Variants in MARCHF6 observed in about 807,000 individuals in gnomAD.
MARCHF6 encodes the protein membrane associated ring-CH-type finger 6.
In MARCHF6, 31 loss-of-function variants were observed where a neutral mutation model predicts 133.7. That is an observed-to-expected ratio of 0.23 (90% CI 0.17 to 0.31). The LOEUF (loss-of-function observed/expected upper bound fraction) is 0.31. Among genes scored for constraint, MARCHF6 ranks in the 10% least tolerant of loss-of-function variants. The pLI, the probability that MARCHF6 is intolerant of heterozygous loss-of-function variation, is 1.00. For missense variants in MARCHF6, 723 were observed against 1,121.6 expected, an observed-to-expected ratio of 0.64 and a Z score of 5.08; for synonymous variants, 395 against 402.5, an observed-to-expected ratio of 0.98 and a Z score of 0.22.
chr5:10,391,451 T>G (rs1229649158), intron 6 of MARCHF6, 91 bp from the exon 7 acceptor site: 74 of 542,500 alleles, frequency 1.4e-4, no homozygotes, highest in African/African-American at 1.1e-3. Flanking sequence ...TTTTTTTTTT[T>G]TTTTTTTTTT....
At chr5:10,390,924 G>A (rs1561121476) in intron 6 of MARCHF6, among the ~76,000 whole-genome samples, 2 of 152,176 alleles carry the variant, frequency 1.3e-5, no homozygotes, top group African/African-American at 4.8e-5. Context: ...TTTTAAGAGA[G>A]CCAGATTTGT....
chr5:10,367,762 C>CTT (rs113081329), intron 1 of MARCHF6, among the ~76,000 whole-genome samples: 6 of 151,468 alleles, frequency 4.0e-5, no homozygotes, highest in African/African-American at 1.5e-4. Flanking sequence ...GGACTTGAAG[C>CTT]TTTTTTTTAA....
intron 22 of MARCHF6, among the ~76,000 whole-genome samples, chr5:10,422,436 G>C (rs1579616063): frequency 6.6e-6 from 1 of 152,010 alleles, no homozygotes; most frequent in East Asian, 1.9e-4. Flanking sequence ...CACGTAATTG[G>C]GTATATCTTA....
At chr5:10,392,947 A>G (rs1156588928) in intron 7 of MARCHF6, among the ~76,000 whole-genome samples, 4 of 152,194 alleles carry the variant, frequency 2.6e-5, no homozygotes, top group African/African-American at 9.7e-5. Context: ...TGACCAAAAC[A>G]TTAGGCTGCT....
chr5:10,398,880 CT>C (rs1346108281), intron 10 of MARCHF6, among the ~76,000 whole-genome samples: 1 of 152,104 alleles, frequency 6.6e-6, no homozygotes, highest in Non-Finnish European at 1.5e-5. Flanking sequence ...CATACTTTTT[CT>C]TTTAATCATT....
chr5:10,353,942 G>T (rs1369199022), intron 1 of MARCHF6, 25 bp downstream of exon 1: 2 of 1,542,146 alleles, frequency 1.3e-6, no homozygotes, highest in Non-Finnish European at 1.7e-6. Flanking sequence ...CGCGGCGCCC[G>T]AGCCCTTGCG....
At chr5:10,428,533 G>T (rs909129892) in intron 24 of MARCHF6, among the ~76,000 whole-genome samples, 1 of 151,644 alleles carries the variant, frequency 6.6e-6, no homozygotes, top group Non-Finnish European at 1.5e-5. Flanking sequence ...TTAGAGACAG[G>T]GTTTCACCAT....
chr5:10,411,304 G>C (rs753159754), intron 18 of MARCHF6, 29 bp from the exon 19 acceptor site: 4 of 1,576,548 alleles, frequency 2.5e-6, no homozygotes, highest in Non-Finnish European at 3.5e-6. Context: ...CCTGAAGTGA[G>C]ACTTGTTACT....
At chr5:10,387,177 A>AATTT in intron 5 of MARCHF6, 111 bp downstream of exon 5, 1 of 726,994 alleles carries the variant, frequency 1.4e-6, no homozygotes, top group African/African-American at 1.8e-5. Flanking sequence ...TGAGAACAAT[A>AATTT]ATTTATGTCT....
chr5:10,375,270 C>T lies in MARCHF6; in HGVS notation c.20-2528C>T, dbSNP rs188727382. Among the ~76,000 whole-genome samples the T allele has an allele frequency of 3.5e-4, 53 of 152,334 alleles. No individual in the cohort carries two copies. The East Asian group carries it at 9.7e-3, about 28-fold the overall frequency. On this transcript the variant is annotated intron_variant, in intron 1 of 25. Coordinates refer to ENST00000274140, the MANE Select transcript of MARCHF6 (RefSeq NM_005885.4). ...ACTCGGAGCAGCCGGCCGGCCCTGC[C>T]GGCCCAGGCAGTGAGAGACTTGGCA...
rs540900965 is a variant in MARCHF6 at position 10,416,409 on chromosome 5, A to G, written c.2148+740A>G. On this transcript the variant is annotated intron_variant, in intron 21 of 25. Transcript: ENST00000274140. ...AGAAAAATATAAAATCCATTTTTAT[A>G]GTGAGAGATTCATTATATATTATGG... 4.6e-5 allele frequency among the ~76,000 whole-genome samples: 7 copies of G among 152,356 alleles called. No individual in the cohort carries two copies. In the South Asian group the frequency reaches 1.4e-3, roughly 32 times the overall value.
chr5:10,363,801 T>C (rs1735965555), intron 1 of MARCHF6, among the ~76,000 whole-genome samples: 2 of 152,228 alleles, frequency 1.3e-5, no homozygotes. Context: ...TGATGCATGG[T>C]ACAACTTGGA....
chr5:10,414,143 A>T (rs1579604541), intron 19 of MARCHF6, among the ~76,000 whole-genome samples: 2 of 137,596 alleles, frequency 1.5e-5, no homozygotes, highest in Admixed American at 1.5e-4. Flanking sequence ...TAATGTTTTA[A>T]TAACAAGGGA....
intron 23 of MARCHF6, among the ~76,000 whole-genome samples, chr5:10,425,956 C>T (rs140897982): frequency 2.6e-4 from 39 of 152,276 alleles, no homozygotes; most frequent in Non-Finnish European, 5.0e-4. Context: ...TTTTCAGAAA[C>T]GCTTCCTGCT....
At chr5:10,380,609 TCTGTGGGC>T (rs1461346138) in intron 3 of MARCHF6, among the ~76,000 whole-genome samples, 1 of 152,332 alleles carries the variant, frequency 6.6e-6, no homozygotes, top group Admixed American at 6.5e-5. Flanking sequence ...AAGTCAATGA[TCTGTGGGC>T]ATGTGCCATT....
intron 7 of MARCHF6, 88 bp downstream of exon 7, chr5:10,391,819 T>C: frequency 7.7e-7 from 1 of 1,294,898 alleles, no homozygotes; most frequent in Non-Finnish European, 1.0e-6. Context: ...TTTTCAAATT[T>C]TTAATGTTGT....
chr5:10,405,023 A>T (rs376209436), intron 15 of MARCHF6, among the ~76,000 whole-genome samples: 10 of 152,218 alleles, frequency 6.6e-5, no homozygotes, highest in African/African-American at 9.6e-5. Context: ...TAGAAATCAC[A>T]CACTGTAACC....
chr5:10,422,470 AG>A (rs1739875081), intron 22 of MARCHF6, among the ~76,000 whole-genome samples: 1 of 152,328 alleles, frequency 6.6e-6, no homozygotes, highest in Non-Finnish European at 1.5e-5. Context: ...AATCAAAACA[AG>A]CTTCAAAAAA....
chr5:10,410,001 A>T, intron 17 of MARCHF6, 138 bp from the exon 18 acceptor site: 1 of 900,228 alleles, frequency 1.1e-6, no homozygotes, highest in Non-Finnish European at 1.7e-6. Flanking sequence ...GGAAAGCCTC[A>T]CTGAGTTGGA....
Sources: gnomAD v4.1 joint callset for allele counts (sites outside exome capture counted in the v4.1 genomes callset) on GRCh38, gnomAD v4.1.1 for gene constraint, MANE v1.5 for transcripts, NCBI Gene and HGNC (gene_info 2026-07-23, HGNC 2026-07-21) for gene names.